The following MED16 variants were observed in gnomAD, a reference collection of about 807,000 sequenced individuals.
The protein encoded by MED16 is mediator of RNA polymerase II transcription subunit 16.
Under a neutral mutation model 84.4 loss-of-function variants are expected in MED16, and 81 were observed. The ratio of observed to expected loss-of-function variants is 0.96; its 90% CI spans 0.80 to 1.15. The LOEUF (loss-of-function observed/expected upper bound fraction) is 1.15, where lower values mean the gene tolerates loss of function less well. MED16 is among the 50% of genes most tolerant of loss of function. MED16 has a pLI of 0.00. For synonymous variants in MED16, 897 were observed against 552.2 expected, an observed-to-expected ratio of 1.62 and a Z score of -8.76; for missense variants, 1,585 against 1,245.9, an observed-to-expected ratio of 1.27 and a Z score of -4.10.
chr19:884,869 G>A (rs774121166), intron 6 of MED16, 34 bp downstream of exon 6: 3 of 1,554,068 alleles, frequency 1.9e-6, no homozygotes, highest in Non-Finnish European at 2.6e-6. Context: ...CCCGAGGGCA[G>A]GCCCAGGGCC....
chr19:868,156 T>A lies in MED16; in HGVS notation c.2579A>T (p.His860Leu), dbSNP rs1054133178. ...CAGGGATCTGGGGGTCCTGGGAGAG[T>A]GGTGTGTGGACTGCGGGCCCAGCTG... The part of the protein sequence containing the change: ...FVQLGPQSTH[H>L]SPRTPRSLDH... The change falls in exon 16 of 16, where the codon CAC (histidine) becomes CTC (leucine). Residue 860 changes from histidine (H) to leucine (L), a missense_variant. Physicochemically the swap from His to Leu is moderately conservative, Grantham distance 99. Coordinates refer to ENST00000325464, the MANE Select transcript of MED16 (RefSeq NM_005481.3). 6.2e-7 allele frequency: 1 copy of A among 1,610,776 alleles called. No homozygotes were observed. Among genetic ancestry groups the A allele is most frequent in the South Asian group, 1.1e-5 (1 of 90,904 alleles).
Position 876,775 on chromosome 19 carries a change from A to G in MED16, c.1560+199T>C, listed in dbSNP as rs1222375071. On this transcript the variant is annotated intron_variant, in intron 9 of 15. Transcript: ENST00000325464. ...TACAACTGCTGCAGAGACCTCCTCC[A>G]CCCTCCAAGGGAACTCCCTCCCTGC... 2.0e-5 allele frequency among the ~76,000 whole-genome samples: 3 copies of G among 151,546 alleles called. 1 individual carries two copies. Among genetic ancestry groups the G allele is most frequent in the Non-Finnish European group, 4.4e-5 (3 of 67,840 alleles).
intron 11 of MED16, 110 bp from the exon 12 acceptor site, chr19:872,228 G>C (rs2036093146): frequency 2.2e-6 from 2 of 898,530 alleles, no homozygotes; most frequent in Non-Finnish European, 3.3e-6. Flanking sequence ...GGCAGGGTCT[G>C]GGACATTTGT....
intron 4 of MED16, among the ~76,000 whole-genome samples, chr19:886,857 CCT>C (rs1206121461): frequency 1.3e-5 from 2 of 152,108 alleles, no homozygotes; most frequent in Non-Finnish European, 2.9e-5. Flanking sequence ...AGGTGGATCC[CCT>C]GAGGTCAGCA....
chr19:886,913 TAAA>T (rs1053769467), intron 4 of MED16, among the ~76,000 whole-genome samples: 2 of 151,766 alleles, frequency 1.3e-5, no homozygotes, highest in African/African-American at 4.8e-5. Flanking sequence ...CTGTTGCTAA[TAAA>T]AAATACAAAA....
chr19:871,754 AGGGAGAGGGGAGCGGGGAGAG>A (rs1568319183), intron 12 of MED16, 151 bp downstream of exon 12: 11 of 332,020 alleles, frequency 3.3e-5, no homozygotes, highest in Non-Finnish European at 5.1e-5. Flanking sequence ...GTGTTTTGGT[AGGGAGAGGGGAGCGGGGAGAG>A]GGGAGAGGGG....
intron 4 of MED16, among the ~76,000 whole-genome samples, chr19:889,210 C>T (rs1185311935): frequency 1.3e-5 from 2 of 150,196 alleles, no homozygotes; most frequent in South Asian, 2.1e-4. Flanking sequence ...GCCACGCCTA[C>T]TCTTACCTGT....
intron 8 of MED16, among the ~76,000 whole-genome samples, chr19:878,556 A>AAGCCCAGCCCCACGT (rs2036324878): frequency 8.6e-5 from 1 of 11,622 alleles, no homozygotes; most frequent in Non-Finnish European, 1.6e-4. Flanking sequence ...AATGCCCACC[A>AAGCCCAGCCCCACGT]GCCCCAGCCC....
rs910812896 is a variant in MED16, at chr19:890,177, C to T, written c.237G>A (p.Glu79=). The T allele has an allele frequency of 8.4e-6, 13 of 1,553,402 alleles. No individual in the cohort carries two copies. Among genetic ancestry groups the T allele is most frequent in the African/African-American group, 1.4e-5 (1 of 73,158 alleles). ...CCAGGCAGGTGATGGCCTCGTGGTGCTCTGAGGGGATCGAGTGCAGGTCCC... is the reference window on the plus strand; with the variant it reads ...CCAGGCAGGTGATGGCCTCGTGGTGTTCTGAGGGGATCGAGTGCAGGTCCC... ...HPWDLHSIPS[E]HHEAITCLEW... The change falls in exon 3 of 16, where the codon GAG becomes GAA. Residue 79 remains glutamate (E), a synonymous_variant. Transcript: ENST00000325464.
At chr19:872,610 G>T (rs1364479571) in intron 11 of MED16, among the ~76,000 whole-genome samples, 6 of 151,586 alleles carry the variant, frequency 4.0e-5, no homozygotes, top group African/African-American at 1.5e-4. Flanking sequence ...CGGGTGGGTG[G>T]GGCAGAAGAA....
chr19:884,835 C>T, intron 6 of MED16, 68 bp downstream of exon 6: 1 of 1,271,134 alleles, frequency 7.9e-7, no homozygotes, highest in Non-Finnish European at 1.1e-6. Flanking sequence ...GCAAGACCTG[C>T]CTCCAAAATA....
chr19:886,427 T>C lies in MED16; in HGVS notation c.448-226A>G, dbSNP rs1049909139. Among the ~76,000 whole-genome samples the C allele has an allele frequency of 2.0e-5, 3 of 152,204 alleles. No individual in the cohort carries two copies. The South Asian group carries it at 6.2e-4, about 32-fold the overall frequency. ...ACGGCACCTTTGCTTTAGAGGACAG[T>C]GGGGAGGATTAAACGGGTGAACGTG... is the stretch of plus-strand genomic sequence containing the variant. On this transcript the variant is annotated intron_variant, in intron 4 of 15. Coordinates refer to ENST00000325464, the MANE Select transcript of MED16 (RefSeq NM_005481.3).
intron 2 of MED16, chr19:890,541 A>AT: frequency 2.6e-6 from 1 of 377,964 alleles, no homozygotes; most frequent in Non-Finnish European, 4.8e-6. Context: ...CCCCGATTTG[A>AT]TTCCAATTTT....
intron 4 of MED16, among the ~76,000 whole-genome samples, chr19:888,159 G>A (rs1279749874): frequency 4.0e-5 from 6 of 151,836 alleles, no homozygotes; most frequent in East Asian, 1.9e-4. Context: ...AGCCGAGATC[G>A]CGCCACTACA....
At chr19:882,421 G>A (rs891620277) in intron 6 of MED16, among the ~76,000 whole-genome samples, 2 of 152,230 alleles carry the variant, frequency 1.3e-5, no homozygotes, top group Non-Finnish European at 2.9e-5. Flanking sequence ...CAGCTACTCA[G>A]GAGGCTGAGG....
rs201805492 is a variant in MED16, at chr19:877,726, G to A, written c.1354-546C>T. 1.1e-4 allele frequency among the ~76,000 whole-genome samples: 9 copies of A among 84,306 alleles called. No individual in the cohort carries two copies. In the South Asian group the frequency reaches 2.1e-3, roughly 19 times the overall value. 55.3% of individuals were successfully genotyped at this position (84,306 alleles called of 152,430 possible). On this transcript the variant is annotated intron_variant, in intron 8 of 15. Transcript: ENST00000325464. ...CAATGCCCACCAGCCCCTGCCCCAC[G>A]TGCCCCAGCAGCTCACCTTCCCCTG... is the stretch of plus-strand genomic sequence containing the variant.
At chr19:889,529 G>C (rs960661712) in intron 4 of MED16, 109 bp downstream of exon 4, 4 of 1,362,280 alleles carry the variant, frequency 2.9e-6, no homozygotes, top group Non-Finnish European at 4.0e-6. Flanking sequence ...CCAAGTGCAA[G>C]GTCCAAAAAA....
At chr19:883,842 G>A (rs1044738249) in intron 6 of MED16, among the ~76,000 whole-genome samples, 1 of 152,154 alleles carries the variant, frequency 6.6e-6, no homozygotes, top group Non-Finnish European at 1.5e-5. Context: ...GAGGCCCAGG[G>A]GAAGGAATGA....
intron 6 of MED16, among the ~76,000 whole-genome samples, chr19:884,283 G>C (rs889266055): frequency 6.6e-6 from 1 of 152,214 alleles, no homozygotes; most frequent in Non-Finnish European, 1.5e-5. Context: ...CATAGCAGGC[G>C]GGCGTCCCTG....
Sources: gnomAD v4.1 joint callset for allele counts (sites outside exome capture counted in the v4.1 genomes callset) on GRCh38, gnomAD v4.1.1 for gene constraint, MANE v1.5 for transcripts, NCBI Gene and HGNC (gene_info 2026-07-23, HGNC 2026-07-21) for gene names.